WDFY2: variants seen among roughly 807,000 people sequenced by gnomAD.
The protein encoded by WDFY2 is WD repeat and FYVE domain-containing protein 2.
In WDFY2, 36 loss-of-function variants were observed where a neutral mutation model predicts 56.4. That is an observed-to-expected ratio of 0.64 (90% CI 0.49 to 0.84). The LOEUF (loss-of-function observed/expected upper bound fraction) is 0.84, where lower values mean the gene tolerates loss of function less well. Among genes scored for constraint, WDFY2 ranks in the 40% least tolerant of loss-of-function variants. WDFY2 has a pLI of 0.00. For missense variants in WDFY2, 444 were observed against 512.2 expected (o/e 0.87, Z 1.29); for synonymous variants, 176 against 183.7 (o/e 0.96, Z 0.34).
intron 1 of WDFY2, among the ~76,000 whole-genome samples, chr13:51,596,692 C>T (rs1172925791): frequency 1.3e-5 from 2 of 152,184 alleles, no homozygotes; most frequent in African/African-American, 4.8e-5. Flanking sequence ...AAGACCAGAA[C>T]ATACACCACA....
At chr13:51,652,731 C>T (rs1018625207) in intron 1 of WDFY2, among the ~76,000 whole-genome samples, 2 of 152,182 alleles carry the variant, frequency 1.3e-5, no homozygotes, top group Admixed American at 6.5e-5. Flanking sequence ...TGAATATTGG[C>T]CCCCACTCTC....
intron 1 of WDFY2, among the ~76,000 whole-genome samples, chr13:51,636,096 C>T (rs1178303408): frequency 3.9e-5 from 6 of 152,108 alleles, no homozygotes; most frequent in African/African-American, 1.4e-4. Context: ...TTACATATAT[C>T]AGGAACCCCA....
intron 3 of WDFY2, among the ~76,000 whole-genome samples, chr13:51,687,144 A>G (rs573420878): frequency 6.6e-5 from 10 of 150,612 alleles, no homozygotes; most frequent in African/African-American, 2.4e-4. Flanking sequence ...AAGTATATTA[A>G]TAGAGAGCTA....
At chr13:51,603,423 G>A (rs1276463124) in intron 1 of WDFY2, among the ~76,000 whole-genome samples, 2 of 152,162 alleles carry the variant, frequency 1.3e-5, no homozygotes, top group Non-Finnish European at 2.9e-5. Flanking sequence ...AGAAGCCCTG[G>A]TTAGTTCCTT....
At chr13:51,672,742 C>A (rs776865137) in intron 2 of WDFY2, among the ~76,000 whole-genome samples, 11 of 152,118 alleles carry the variant, frequency 7.2e-5, no homozygotes, top group Admixed American at 2.0e-4. Flanking sequence ...TTGTAGTTTT[C>A]TTTGTAGAGG....
intron 4 of WDFY2, 144 bp from the exon 5 acceptor site, chr13:51,719,054 A>G: frequency 8.8e-7 from 1 of 1,142,388 alleles, no homozygotes; most frequent in Non-Finnish European, 1.3e-6. Flanking sequence ...CACGAGAACC[A>G]CTGTTCTACC....
At chr13:51,685,265 G>A (rs1956041892) in intron 3 of WDFY2, among the ~76,000 whole-genome samples, 1 of 152,126 alleles carries the variant, frequency 6.6e-6, no homozygotes, top group Admixed American at 6.6e-5. Flanking sequence ...TAGTATTTGT[G>A]TATCATTAGA....
chr13:51,631,465 GTTC>G (rs1409828009), intron 1 of WDFY2, among the ~76,000 whole-genome samples: 1 of 151,316 alleles, frequency 6.6e-6, no homozygotes, highest in Non-Finnish European at 1.5e-5. Flanking sequence ...TCCAATTTTT[GTTC>G]TTCTTGTGGG....
At position 51,600,411 on chromosome 13, in the gene WDFY2, C is replaced by G. The variant is rs7321637; in HGVS notation, c.137+15587C>G. On this transcript the variant is annotated intron_variant, in intron 1 of 11. Transcript: ENST00000298125. ...CACATGGACAACCAGGAAGTCTCTT[C>G]TCCCTACTGCTCATCGGTTTCTGTG... Among the ~76,000 whole-genome samples, 770 of 152,322 alleles carry G rather than the reference C, an allele frequency of 5.1e-3. 4 individuals are homozygous for G. Among genetic ancestry groups the G allele is most frequent in the African/African-American group, 0.016 (685 of 41,556 alleles).
rs150032008 is a variant in WDFY2, at chr13:51,725,452, C to T, written c.486-2226C>T. 9.2e-5 allele frequency among the ~76,000 whole-genome samples: 14 copies of T among 152,110 alleles called. No homozygotes were observed. The East Asian group carries it at 2.5e-3, about 27-fold the overall frequency. ...CCTGTAATCCCAGCATTTTGGGAGG[C>T]CAAGGTGGAAGGATCACTTGAGCCT... On this transcript the variant is annotated intron_variant, in intron 5 of 11. Transcript: ENST00000298125.
chr13:51,658,878 G>A (rs1200934096), intron 1 of WDFY2, among the ~76,000 whole-genome samples: 2 of 151,954 alleles, frequency 1.3e-5, no homozygotes, highest in Admixed American at 1.3e-4. Flanking sequence ...TATTATATCT[G>A]TAGTTGGTCT....
chr13:51,627,402 C>G lies in WDFY2; in HGVS notation c.138-33194C>G, dbSNP rs186505706. On this transcript the variant is annotated intron_variant, in intron 1 of 11. Transcript: ENST00000298125. ...TTCTTTTTTTTAATGGAGTCTTGCT[C>G]TTGTCACCCAGGCTGGAGTGCAGTG... Among the ~76,000 whole-genome samples the G allele has an allele frequency of 2.0e-5, 3 of 152,116 alleles. No individual in the cohort carries two copies. The East Asian group carries it at 5.8e-4, about 29-fold the overall frequency.
intron 1 of WDFY2, among the ~76,000 whole-genome samples, chr13:51,623,529 AT>A (rs1411709496): frequency 6.6e-6 from 1 of 152,002 alleles, no homozygotes; most frequent in Non-Finnish European, 1.5e-5. Flanking sequence ...TAAAAAAAAA[AT>A]CTCCATTTTT....
chr13:51,652,424 T>G (rs1566073002), intron 1 of WDFY2, among the ~76,000 whole-genome samples: 1 of 152,226 alleles, frequency 6.6e-6, no homozygotes. Flanking sequence ...AATATTGTTA[T>G]GTGTGAATTT....
At position 51,677,509 on chromosome 13, in the gene WDFY2, A is replaced by G. The variant is rs112855389; in HGVS notation, c.279+2266A>G. On this transcript the variant is annotated intron_variant, in intron 3 of 11. Transcript: ENST00000298125. ...TAGACACAAGAAATCCTAGTCAGAG[A>G]CTATATATTCTGTTTCCTGGTTATA... is the stretch of plus-strand genomic sequence containing the variant. Among the ~76,000 whole-genome samples, 34 of 152,354 alleles carry G rather than the reference A, an allele frequency of 2.2e-4. No individual in the cohort carries two copies. In the Middle Eastern group the frequency reaches 0.01, roughly 46 times the overall value.
intron 3 of WDFY2, among the ~76,000 whole-genome samples, chr13:51,684,387 G>C (rs1190152532): frequency 6.8e-6 from 1 of 147,698 alleles, no homozygotes; most frequent in South Asian, 2.2e-4. Flanking sequence ...TTTTTTTTAA[G>C]TTTAGTAAAC....
intron 1 of WDFY2, among the ~76,000 whole-genome samples, chr13:51,645,940 A>T (rs771340872): frequency 3.3e-5 from 5 of 152,040 alleles, no homozygotes; most frequent in Non-Finnish European, 7.4e-5. Context: ...TTCAAGATGA[A>T]CTCAACATTG....
At position 51,660,677 on chromosome 13, in the gene WDFY2, T is replaced by C. The variant is rs1214487845; in HGVS notation, c.205+14T>C. The stretch of plus-strand genomic sequence containing the variant: ...ATGCAATGCCTTGTAAGTATCCAAA[T>C]CGCTGTCTTGAAAAACCAGACATGT... On this transcript the variant is annotated intron_variant, in intron 2 of 11. Transcript: ENST00000298125. 6.2e-7 allele frequency: 1 copy of C among 1,612,870 alleles called. No individual in the cohort carries two copies. The highest frequency in any genetic ancestry group is 8.5e-7 in the Non-Finnish European group (1 of 1,179,210).
At chr13:51,736,077 G>GCTGA in intron 6 of WDFY2, among the ~76,000 whole-genome samples, 1 of 152,272 alleles carries the variant, frequency 6.6e-6, no homozygotes, top group South Asian at 2.1e-4. Context: ...CATAGAATAA[G>GCTGA]CTGACTGGCC....
Sources: allele counts gnomAD v4.1 joint callset (sites outside exome capture counted in the v4.1 genomes callset), GRCh38; gene constraint gnomAD v4.1.1; transcripts MANE v1.5; gene names NCBI Gene and HGNC (gene_info 2026-07-23, HGNC 2026-07-21).